The following UNC80 variants were observed in gnomAD, a reference collection of about 807,000 sequenced individuals.
UNC80 encodes unc-80 subunit of NALCN channel complex.
UNC80 carries 164 observed loss-of-function variants against 384.6 expected under a neutral mutation model. That is an observed-to-expected ratio of 0.43 (90% CI 0.38 to 0.49). The LOEUF is 0.49. Ranked by LOEUF, UNC80 falls within the 20% of genes least tolerant of loss-of-function variation. The pLI is 0.00. For synonymous variants in UNC80, 1,486 were observed against 1,527.8 expected, an observed-to-expected ratio of 0.97 and a Z score of 0.64; for missense variants, 3,330 against 4,143.0, an observed-to-expected ratio of 0.80 and a Z score of 5.39.
intron 7 of UNC80, chr2:209,795,604 G>T (rs2078104494): frequency 6.6e-6 from 1 of 152,286 alleles, no homozygotes; most frequent in African/African-American, 2.4e-5. Flanking sequence ...GCTGGGCCCA[G>T]GGTCCTCATG....
chr2:209,794,061 G>A (rs2153825805), intron 7 of UNC80, among the ~76,000 whole-genome samples: 1 of 152,298 alleles, frequency 6.6e-6, no homozygotes, highest in East Asian at 1.9e-4. Context: ...GGGCGAAAGT[G>A]GAAAAGATGC....
Position 209,776,029 on chromosome 2 carries a change from A to C in UNC80, c.282A>C (p.Ser94=). Residue 94 remains serine, a synonymous_variant, in exon 3 of 65, where the codon TCA becomes TCC. Coordinates refer to ENST00000673920, the MANE Select transcript of UNC80 (RefSeq NM_001371986.1). ...TCCACTGCACTGCAACCCTGCTTTC[A>C]AACCGAAACAAGCTAGGTTGGTGCC... ...HVLHCTATLL[S]NRNKLGHQDK... 5.0e-6 allele frequency: 8 copies of C among 1,613,994 alleles called. No individual in the cohort carries two copies. Among genetic ancestry groups the C allele is most frequent in the Non-Finnish European group, 6.8e-6 (8 of 1,179,974 alleles).
At chr2:209,946,695 A>G (rs1191441433) in intron 47 of UNC80, among the ~76,000 whole-genome samples, 1 of 152,224 alleles carries the variant, frequency 6.6e-6, no homozygotes, top group African/African-American at 2.4e-5. Flanking sequence ...AAAGACTCAC[A>G]TGAAGAATGA....
Position 209,802,467 on chromosome 2 carries a change from T to C in UNC80, c.938+8608T>C, listed in dbSNP as rs377460944. Among the ~76,000 whole-genome samples the C allele has an allele frequency of 5.1e-4, 78 of 152,262 alleles. No individual in the cohort carries two copies. In the South Asian group the frequency reaches 0.016, roughly 30 times the overall value. On this transcript the variant is annotated intron_variant, in intron 7 of 64. Transcript: ENST00000673920. ...AAACAAAAATTTGAAAGTTAAAAAT[T>C]TTAAAAGTAATATGGAAGGAACTCT...
chr2:209,809,036 A>G (rs2079137674), intron 7 of UNC80: 1 of 388,550 alleles, frequency 2.6e-6, no homozygotes, highest in Non-Finnish European at 4.8e-6. Context: ...GAGAGTTTCA[A>G]GGCGGCAGAA....
chr2:209,973,260 A>G lies in UNC80; in HGVS notation c.8577A>G (p.Ala2859=), dbSNP rs1341965070. 3 of 1,551,502 alleles carry G rather than the reference A, an allele frequency of 1.9e-6. No individual in the cohort carries two copies. Among genetic ancestry groups the G allele is most frequent in the African/African-American group, 1.4e-5 (1 of 73,044 alleles). The stretch of plus-strand genomic sequence containing the variant: ...GGCTGGCTGAGTCCACCAGCCAAGC[A>G]GCATACTTGGGTTGGTACTTTCTCT... ...REGLAESTSQ[A]AYLALKVILV... is the part of the protein sequence containing the mutation. Residue 2859 remains alanine, a synonymous_variant, in exon 56 of 65, where the codon GCA becomes GCG. Coordinates refer to ENST00000673920, the MANE Select transcript of UNC80 (RefSeq NM_001371986.1).
intron 41 of UNC80, 26 bp from the exon 42 acceptor site, chr2:209,937,503 T>C: frequency 6.8e-7 from 1 of 1,481,018 alleles, no homozygotes. Flanking sequence ...AACTCTTTTT[T>C]TTGTCTCTTT....
At chr2:209,888,536 C>G (rs115249925) in intron 26 of UNC80, among the ~76,000 whole-genome samples, 2 of 152,104 alleles carry the variant, frequency 1.3e-5, no homozygotes, top group African/African-American at 4.8e-5. Context: ...GAAAAATACT[C>G]CCAATTGAAC....
intron 8 of UNC80, among the ~76,000 whole-genome samples, chr2:209,815,051 T>G (rs146691221): frequency 3.5e-3 from 529 of 152,248 alleles, no homozygotes; most frequent in Non-Finnish European, 6.0e-3. Context: ...ACCTCACTAC[T>G]GAAAACTTCA....
At chr2:209,865,348 A>T (rs1471873999) in intron 22 of UNC80, among the ~76,000 whole-genome samples, 1 of 152,076 alleles carries the variant, frequency 6.6e-6, no homozygotes, top group Non-Finnish European at 1.5e-5. Flanking sequence ...CATGCCTGTA[A>T]TCCCAGCACT....
chr2:209,923,051 T>C (rs558314468), intron 35 of UNC80, among the ~76,000 whole-genome samples: 2 of 152,356 alleles, frequency 1.3e-5, no homozygotes, highest in South Asian at 4.1e-4. Flanking sequence ...AAGTCACTTA[T>C]CAGATATATG....
intron 2 of UNC80, 57 bp downstream of exon 2, chr2:209,773,199 C>G: frequency 6.9e-7 from 1 of 1,455,676 alleles, no homozygotes; most frequent in Admixed American, 1.8e-5. Context: ...TGGTTTGAAC[C>G]CAAAGACAGA....
At chr2:209,966,609 T>G (rs529832473) in intron 51 of UNC80, among the ~76,000 whole-genome samples, 2 of 152,254 alleles carry the variant, frequency 1.3e-5, no homozygotes, top group Non-Finnish European at 2.9e-5. Context: ...ATTTTCCCAA[T>G]TAATCTATTT....
chr2:209,786,037 T>C, intron 4 of UNC80, 29 bp from the exon 5 acceptor site: 1 of 1,608,798 alleles, frequency 6.2e-7, no homozygotes, highest in Non-Finnish European at 8.5e-7. Flanking sequence ...ATGTCAGTTA[T>C]TGGACATATA....
At chr2:209,854,764 C>T (rs111320786) in intron 22 of UNC80, among the ~76,000 whole-genome samples, 252 of 152,210 alleles carry the variant, frequency 1.7e-3, no homozygotes, top group African/African-American at 2.5e-3. Context: ...TCACACCAGT[C>T]GGAATGGTGA....
At chr2:209,843,789 G>T (rs1377146316) in intron 21 of UNC80, among the ~76,000 whole-genome samples, 1 of 151,974 alleles carries the variant, frequency 6.6e-6, no homozygotes. Context: ...ATAATTTGTG[G>T]GTACAGATTT....
intron 37 of UNC80, 108 bp downstream of exon 37, chr2:209,930,079 A>G: frequency 1.9e-6 from 1 of 516,338 alleles, no homozygotes; most frequent in South Asian, 5.0e-5. Flanking sequence ...ATGCCCTCCA[A>G]TACACAACCA....
rs2092509877 is a variant in UNC80, at chr2:209,959,117, A to G, written c.7551-2A>G. On this transcript the variant is annotated splice_acceptor_variant, in intron 49 of 64. Coordinates refer to ENST00000673920, the MANE Select transcript of UNC80 (RefSeq NM_001371986.1). LOFTEE classifies it high-confidence loss of function. ...TATGTAGACTGTTTTTCTGACTCCC[A>G]GGTACCAGGAACAAGGAGCCAAACT... 6.4e-7 allele frequency: 1 copy of G among 1,551,888 alleles called. No homozygotes were observed. The highest frequency in any genetic ancestry group is 8.7e-7 in the Non-Finnish European group (1 of 1,146,930).
intron 52 of UNC80, chr2:209,968,193 A>T (rs921227931): frequency 6.6e-6 from 1 of 152,284 alleles, no homozygotes; most frequent in Non-Finnish European, 1.5e-5. Flanking sequence ...TTGTTCAGTG[A>T]CCTGGGAAAT....
Sources: allele counts gnomAD v4.1 joint callset (sites outside exome capture counted in the v4.1 genomes callset), GRCh38; gene constraint gnomAD v4.1.1; transcripts MANE v1.5; gene names NCBI Gene and HGNC (gene_info 2026-07-23, HGNC 2026-07-21).